TRIM66: variants seen among roughly 807,000 people sequenced by gnomAD.
TRIM66 encodes tripartite motif-containing protein 66.
TRIM66 carries 99 observed loss-of-function variants against 148.2 expected under a neutral mutation model. The observed-to-expected ratio is 0.67, with a 90% CI of 0.57 to 0.79. The LOEUF is 0.79. Among genes scored for constraint, TRIM66 ranks in the 30% least tolerant of loss-of-function variants. The pLI, the probability that TRIM66 is intolerant of heterozygous loss-of-function variation, is 0.00. For missense variants in TRIM66, 1,666 were observed against 1,697.9 expected (o/e 0.98, Z 0.33); for synonymous variants, 616 against 635.9 (o/e 0.97, Z 0.47).
intron 6 of TRIM66, among the ~76,000 whole-genome samples, chr11:8,655,420 AG>A (rs935723495): frequency 1.3e-5 from 2 of 152,166 alleles, no homozygotes; most frequent in African/African-American, 2.4e-5. Flanking sequence ...CATTAAAATG[AG>A]GGAATAGGAA....
intron 3 of TRIM66, among the ~76,000 whole-genome samples, chr11:8,677,815 C>T (rs1258543501): frequency 6.6e-6 from 1 of 152,132 alleles, no homozygotes; most frequent in Admixed American, 6.5e-5. Flanking sequence ...GGTTTTCCAC[C>T]CTAGTTTCCA....
intron 6 of TRIM66, among the ~76,000 whole-genome samples, chr11:8,665,637 A>G (rs561579726): frequency 6.4e-4 from 98 of 152,266 alleles, no homozygotes; most frequent in African/African-American, 2.3e-3. Context: ...ACCACACCAC[A>G]TAGGGTCCTA....
At chr11:8,663,550 C>T (rs2038399946) in intron 6 of TRIM66, among the ~76,000 whole-genome samples, 1 of 152,136 alleles carries the variant, frequency 6.6e-6, no homozygotes, top group African/African-American at 2.4e-5. Flanking sequence ...CCCCCTGCCC[C>T]CCCACAAAAT....
rs778998426 is a variant in TRIM66 at position 8,662,376 on chromosome 11, A to G, written c.340+9410T>C. On this transcript the variant is annotated intron_variant, in intron 6 of 24. Coordinates refer to ENST00000646038, the MANE Select transcript of TRIM66 (RefSeq NM_001388022.1). ...TGATTCTAAGGTTGTAGCATCTTGC[A>G]TCAGTTCCCCCTCTTTGGATATTCC... 2.6e-5 allele frequency among the ~76,000 whole-genome samples: 4 copies of G among 152,338 alleles called. No homozygotes were observed. The South Asian group carries it at 6.2e-4, about 24-fold the overall frequency.
chr11:8,672,910 C>G (rs1202592867), intron 4 of TRIM66, among the ~76,000 whole-genome samples: 1 of 148,590 alleles, frequency 6.7e-6, no homozygotes, highest in East Asian at 2.0e-4. Context: ...GGATTACAAG[C>G]ATGAGCCACC....
In TRIM66 at chr11:8,675,493, C is replaced by T. The variant is rs147798665; in HGVS notation, c.-189-610G>A. The stretch of plus-strand genomic sequence containing the variant: ...CACCTCCCAGGTTCAAGTGATTCTC[C>T]TGCCTCAGCCTCCCGAGCAGCTGGG... On this transcript the variant is annotated intron_variant, in intron 3 of 24. Transcript: ENST00000646038. Among the ~76,000 whole-genome samples, 1,359 of 152,252 alleles carry T rather than the reference C, an allele frequency of 8.9e-3. 20 individuals carry two copies. The highest frequency in any genetic ancestry group is 0.031 in the African/African-American group (1,274 of 41,528).
chr11:8,665,113 C>T (rs1283635635), intron 6 of TRIM66, among the ~76,000 whole-genome samples: 1 of 150,506 alleles, frequency 6.6e-6, no homozygotes, highest in African/African-American at 2.5e-5. Context: ...CCACATTTTA[C>T]TTTAAAAAAA....
chr11:8,645,410 C>A (rs1313465749), intron 12 of TRIM66, among the ~76,000 whole-genome samples: 2 of 152,176 alleles, frequency 1.3e-5, no homozygotes, highest in Admixed American at 1.3e-4. Flanking sequence ...CTATGAGATG[C>A]CCAGCACACT....
chr11:8,654,065 C>T (rs2037600695), intron 6 of TRIM66, among the ~76,000 whole-genome samples: 1 of 152,200 alleles, frequency 6.6e-6, no homozygotes, highest in Admixed American at 6.5e-5. Flanking sequence ...CACAAGACAT[C>T]CCGGGTACCA....
At chr11:8,678,960 C>T (rs1046439106) in intron 3 of TRIM66, 3 of 152,146 alleles carry the variant, frequency 2.0e-5, no homozygotes, top group Non-Finnish European at 1.5e-5. Context: ...TCATCTCTTC[C>T]GTTCATTTCT....
chr11:8,647,925 G>A, intron 10 of TRIM66, 45 bp downstream of exon 10: 1 of 1,459,582 alleles, frequency 6.9e-7, no homozygotes, highest in South Asian at 1.2e-5. Flanking sequence ...TGGGTGTGCG[G>A]GAACAGAGCA....
chr11:8,652,823 T>A (rs1290579790), intron 6 of TRIM66, among the ~76,000 whole-genome samples: 2 of 152,356 alleles, frequency 1.3e-5, no homozygotes, highest in African/African-American at 4.8e-5. Flanking sequence ...CTGTCTCATC[T>A]CTTCAAAATA....
chr11:8,649,652 A>G, intron 8 of TRIM66, 88 bp downstream of exon 8: 2 of 1,475,564 alleles, frequency 1.4e-6, no homozygotes, highest in Non-Finnish European at 1.8e-6. Flanking sequence ...CAGCAAGAAA[A>G]CAAGATCGGA....
chr11:8,641,454 A>AT (rs1176156776), intron 13 of TRIM66, among the ~76,000 whole-genome samples: 2 of 152,194 alleles, frequency 1.3e-5, no homozygotes, highest in South Asian at 2.1e-4. Context: ...GCACCCACTC[A>AT]TTTTTTTCCA....
At chr11:8,666,001 G>A (rs1298793281) in intron 6 of TRIM66, among the ~76,000 whole-genome samples, 1 of 151,904 alleles carries the variant, frequency 6.6e-6, no homozygotes, top group Non-Finnish European at 1.5e-5. Context: ...AAACGTAAAT[G>A]TGGAAGGTAA....
At chr11:8,651,673 G>C in intron 7 of TRIM66, 127 bp downstream of exon 7, 1 of 812,632 alleles carries the variant, frequency 1.2e-6, no homozygotes, top group Non-Finnish European at 2.1e-6. Context: ...ATGGATGGAT[G>C]ATTAGGAAAA....
chr11:8,625,366 CA>C, intron 15 of TRIM66, 138 bp from the exon 16 acceptor site: 1 of 1,062,524 alleles, frequency 9.4e-7, no homozygotes, highest in Non-Finnish European at 1.3e-6. Context: ...TGGTAGCTGC[CA>C]GGAACTCAGG....
rs1325884687 is a variant in TRIM66, at chr11:8,621,233, G to A, written c.3344C>T (p.Pro1115Leu). Residue 1115 changes from proline (P) to leucine (L), a missense_variant, in exon 20 of 25, where the codon CCA (proline) becomes CTA (leucine). Transcript: ENST00000646038. Reference protein sequence around the residue: ...VTVTSLAGQRPPEVEGTSPEE... With the variant: ...VTVTSLAGQRLPEVEGTSPEE... The stretch of plus-strand genomic sequence containing the variant: ...AGGAGATGTGCCCTCCACTTCTGGT[G>A]GCCGCTGCCCAGCCAAAGAAGTGAC... 16 of 1,551,580 alleles carry A rather than the reference G, an allele frequency of 1.0e-5. No individual in the cohort carries two copies.
At chr11:8,626,745 A>G (rs1372882761) in intron 15 of TRIM66, among the ~76,000 whole-genome samples, 1 of 152,182 alleles carries the variant, frequency 6.6e-6, no homozygotes, top group African/African-American at 2.4e-5. Flanking sequence ...TTCTTCTTAG[A>G]ATAACTGCAA....
Sources: gnomAD v4.1 joint callset for allele counts (sites outside exome capture counted in the v4.1 genomes callset) on GRCh38, gnomAD v4.1.1 for gene constraint, MANE v1.5 for transcripts, NCBI Gene and HGNC (gene_info 2026-07-23, HGNC 2026-07-21) for gene names.